Variants in GRIP1 observed in about 807,000 individuals in gnomAD.
The protein encoded by GRIP1 is glutamate receptor interacting protein 1, also known as glutamate receptor-interacting protein 1.
A neutral mutation model predicts 129.9 loss-of-function variants in GRIP1; 45 were observed. That is an observed-to-expected ratio of 0.35 (90% CI 0.27 to 0.44). The LOEUF (loss-of-function observed/expected upper bound fraction) is 0.44. Ranked by LOEUF, GRIP1 falls within the 20% of genes least tolerant of loss-of-function variation. GRIP1 has a pLI of 1.00. For synonymous variants in GRIP1, 530 were observed against 520.8 expected (o/e 1.02, Z -0.24); for missense variants, 1,196 against 1,396.8 (o/e 0.86, Z 2.29).
At chr12:66,399,616 A>C (rs564967158) in intron 16 of GRIP1, among the ~76,000 whole-genome samples, 2 of 152,088 alleles carry the variant, frequency 1.3e-5, no homozygotes, top group South Asian at 4.1e-4. Context: ...TAGTTAACAA[A>C]ATTAATGGAA....
At chr12:66,477,528 G>C (rs11536202) in intron 7 of GRIP1, among the ~76,000 whole-genome samples, 96,484 of 151,078 alleles carry the variant, frequency 0.64, 31,259 homozygotes, top group Middle Eastern at 0.79. Context: ...GAAAAAACTA[G>C]TTTAAAGTTC....
intron 1 of GRIP1, among the ~76,000 whole-genome samples, chr12:66,986,152 C>T (rs1472050124): frequency 6.6e-6 from 1 of 152,094 alleles, no homozygotes; most frequent in Non-Finnish European, 1.5e-5. Flanking sequence ...TGGCAAAATT[C>T]TTATCTAAAA....
At chr12:66,809,681 A>G (rs2039066290) in intron 1 of GRIP1, among the ~76,000 whole-genome samples, 1 of 148,004 alleles carries the variant, frequency 6.8e-6, no homozygotes, top group African/African-American at 2.5e-5. Flanking sequence ...TTTTTTTGAG[A>G]CAGAATCTTG....
intron 13 of GRIP1, among the ~76,000 whole-genome samples, chr12:66,440,916 C>A (rs2058454300): frequency 6.6e-6 from 1 of 152,166 alleles, no homozygotes; most frequent in Admixed American, 6.5e-5. Context: ...GAGCAACAAG[C>A]ACATAAGTAA....
In GRIP1 at chr12:66,392,329, C is replaced by T; in HGVS notation, c.2443G>A (p.Asp815Asn). Residue 815 changes from aspartate to asparagine, a missense_variant, in exon 19 of 25, where the codon GAC becomes AAC. This residue lies in a region of GRIP1 where 427 missense variants were observed against 463.3 expected (regional missense o/e 0.92). Transcript: ENST00000359742. Reference protein sequence around the residue: ...AVDSWDGSAIDTSYGTQGTSF... With the variant: ...AVDSWDGSAINTSYGTQGTSF... ...ATACCTTGAGTTCCATAGCTGGTGT[C>T]TATTGCAGACCCATCCCATGAATCC... is the stretch of plus-strand genomic sequence containing the variant. 1 of 1,609,944 alleles carries T rather than the reference C, an allele frequency of 6.2e-7. No homozygotes were observed. Among genetic ancestry groups the T allele is most frequent in the Admixed American group, 1.7e-5 (1 of 60,008 alleles).
At chr12:66,770,090 C>A (rs935709551) in intron 1 of GRIP1, among the ~76,000 whole-genome samples, 1 of 152,116 alleles carries the variant, frequency 6.6e-6, no homozygotes, top group South Asian at 2.1e-4. Flanking sequence ...AATAATAAAG[C>A]CTACCTCATG....
chr12:66,484,474 A>G (rs2059898942), intron 7 of GRIP1, among the ~76,000 whole-genome samples: 1 of 152,220 alleles, frequency 6.6e-6, no homozygotes, highest in Admixed American at 6.5e-5. Context: ...GAAAATGTAC[A>G]CAATGGAATA....
chr12:66,531,252 A>AAAATATATAT (rs1565833708), intron 4 of GRIP1, among the ~76,000 whole-genome samples: 1 of 19,476 alleles, frequency 5.1e-5, no homozygotes, highest in Non-Finnish European at 7.5e-5. Flanking sequence ...AAAAAAAAAA[A>AAAATATATAT]ATATATATAT....
rs145968336 is a variant in GRIP1 at position 66,403,866 on chromosome 12, T to A, written c.1984+2417A>T. ...AGTTGTTTCAGAAACTCCTGCCAAC[T>A]GGTAGACACAGCCTGGCTTTGAAAC... On this transcript the variant is annotated intron_variant, in intron 16 of 24. Transcript: ENST00000359742. Among the ~76,000 whole-genome samples, 14 of 152,360 alleles carry A rather than the reference T, an allele frequency of 9.2e-5. No homozygotes were observed. The East Asian group carries it at 2.7e-3, about 29-fold the overall frequency.
At chr12:66,409,281 G>T (rs1261906326) in intron 15 of GRIP1, among the ~76,000 whole-genome samples, 1 of 152,098 alleles carries the variant, frequency 6.6e-6, no homozygotes, top group East Asian at 1.9e-4. Context: ...GTGACCAAGG[G>T]GTGCTTGTGT....
chr12:66,679,199 A>C, upstream of GRIP1: 2 of 1,214,628 alleles, frequency 1.6e-6, no homozygotes, highest in Non-Finnish European at 2.1e-6. Context: ...AAATTGTACA[A>C]AGCAGGGACG....
At chr12:66,525,298 C>A (rs1232389991) in intron 5 of GRIP1, among the ~76,000 whole-genome samples, 1 of 152,208 alleles carries the variant, frequency 6.6e-6, no homozygotes, top group East Asian at 1.9e-4. Flanking sequence ...ACTGGCAAAC[C>A]AAATCCAGCA....
At chr12:66,594,279 G>A (rs935765544) in intron 2 of GRIP1, among the ~76,000 whole-genome samples, 4 of 151,866 alleles carry the variant, frequency 2.6e-5, no homozygotes, top group East Asian at 1.9e-4. Flanking sequence ...CCATGCTACC[G>A]GGGTGTTAAA....
At chr12:66,374,391 T>C (rs2055683732) in intron 22 of GRIP1, among the ~76,000 whole-genome samples, 2 of 152,096 alleles carry the variant, frequency 1.3e-5, no homozygotes, top group African/African-American at 4.8e-5. Context: ...TTTCTCCACA[T>C]TGGCCAGGCT....
chr12:66,811,931 C>A (rs1592868741), intron 1 of GRIP1, among the ~76,000 whole-genome samples: 1 of 152,096 alleles, frequency 6.6e-6, no homozygotes, highest in East Asian at 1.9e-4. Context: ...AAATGCATTG[C>A]CATGTGATTC....
chr12:66,483,115 G>A (rs564665426), intron 7 of GRIP1, among the ~76,000 whole-genome samples: 5 of 152,208 alleles, frequency 3.3e-5, no homozygotes, highest in African/African-American at 9.6e-5. Context: ...AGAACCTCCC[G>A]GGGGTAGTGG....
chr12:66,865,447 A>G lies in GRIP1; in HGVS notation c.58+203603T>C, dbSNP rs535361181. The stretch of plus-strand genomic sequence containing the variant: ...GAAGCCAATAAGACAGACTATCTAA[A>G]TAGAGCTAGCAGATCTTTGTGGTAG... On this transcript the variant is annotated intron_variant, in intron 1 of 1. Transcript: ENST00000643019. Among the ~76,000 whole-genome samples, 3 of 151,874 alleles carry G rather than the reference A, an allele frequency of 2.0e-5. 1 individual carries two copies. The South Asian group carries it at 6.3e-4, about 32-fold the overall frequency.
intron 15 of GRIP1, among the ~76,000 whole-genome samples, chr12:66,415,324 C>T (rs977246362): frequency 9.2e-5 from 14 of 152,016 alleles, no homozygotes; most frequent in South Asian, 4.1e-4. Flanking sequence ...AGAAAAAGCT[C>T]GTCATCACTG....
At chr12:66,959,183 A>C (rs1014016942) in intron 1 of GRIP1, among the ~76,000 whole-genome samples, 1 of 152,192 alleles carries the variant, frequency 6.6e-6, no homozygotes, top group Non-Finnish European at 1.5e-5. Flanking sequence ...ATATTTAACC[A>C]TCTTTCTCCA....
Sources: gnomAD v4.1 joint callset for allele counts (sites outside exome capture counted in the v4.1 genomes callset) on GRCh38, gnomAD v4.1.1 for gene constraint, gnomAD v4.1.1 regional missense constraint, MANE v1.5 for transcripts, NCBI Gene and HGNC (gene_info 2026-07-23, HGNC 2026-07-21) for gene names.